Variants in ZFHX3 observed in about 807,000 individuals in gnomAD.
The protein encoded by ZFHX3 is zinc finger homeobox protein 3.
ZFHX3 carries 42 observed loss-of-function variants against 279.1 expected under a neutral mutation model. The observed-to-expected ratio is 0.15, with a 90% CI of 0.12 to 0.19. ZFHX3 has a LOEUF of 0.19. Among genes scored for constraint, ZFHX3 ranks in the 10% least tolerant of loss-of-function variants. The pLI, the probability that ZFHX3 is intolerant of heterozygous loss-of-function variation, is 1.00. For missense variants in ZFHX3, 4,981 were observed against 4,754.0 expected, an observed-to-expected ratio of 1.05 and a Z score of -1.40; for synonymous variants, 2,293 against 1,957.8, an observed-to-expected ratio of 1.17 and a Z score of -4.52.
Position 72,787,670 on chromosome 16 carries a change from T to G in ZFHX3, c.10606A>C (p.Ser3536Arg), listed in dbSNP as rs1417634056. The change falls in exon 10 of 10, where the codon AGC (serine) becomes CGC (arginine). Residue 3536 changes from serine to arginine, a missense_variant. Transcript: ENST00000268489. ...AGAGCTTCCTCCCCACAGAGCGCGCTCTCGCACGCCAGGCAGTGGTACGAG... is the reference window on the plus strand; with the variant it reads ...AGAGCTTCCTCCCCACAGAGCGCGCGCTCGCACGCCAGGCAGTGGTACGAG... Reference protein sequence around the residue: ...GGSYHCLACESALCGEEALSQ... With the variant: ...GGSYHCLACERALCGEEALSQ... 5.8e-6 allele frequency: 9 copies of G among 1,561,014 alleles called. No homozygotes were observed. The highest frequency in any genetic ancestry group is 1.4e-5 in the African/African-American group (1 of 71,952).
At chr16:73,342,748 T>C (rs1396178919) in intron 3 of ZFHX3, among the ~76,000 whole-genome samples, 4 of 152,214 alleles carry the variant, frequency 2.6e-5, no homozygotes, top group African/African-American at 4.8e-5. Context: ...GGCACTTCTC[T>C]GAATTTGCCT....
At chr16:73,752,668 A>G (rs2053771803) in intron 1 of ZFHX3, among the ~76,000 whole-genome samples, 1 of 152,190 alleles carries the variant, frequency 6.6e-6, no homozygotes, top group Non-Finnish European at 1.5e-5. Context: ...GGGTCAGTCT[A>G]TCCATGAAGC....
At chr16:73,794,639 C>A (rs1959939296) in intron 1 of ZFHX3, among the ~76,000 whole-genome samples, 1 of 152,144 alleles carries the variant, frequency 6.6e-6, no homozygotes, top group Non-Finnish European at 1.5e-5. Flanking sequence ...GTAGACAGTG[C>A]AAACTCATTC....
chr16:73,537,109 A>G (rs1279800015), intron 2 of ZFHX3, among the ~76,000 whole-genome samples: 2 of 152,220 alleles, frequency 1.3e-5, no homozygotes, highest in African/African-American at 2.4e-5. Context: ...GTTATGACCA[A>G]TTGAATTTAT....
intron 1 of ZFHX3, among the ~76,000 whole-genome samples, chr16:73,842,913 A>G (rs994654331): frequency 6.6e-6 from 1 of 152,284 alleles, no homozygotes; most frequent in East Asian, 1.9e-4. Flanking sequence ...CCTCTTTTCT[A>G]ACACTTATTT....
chr16:73,883,429 A>G lies in ZFHX3; in HGVS notation c.-1608+8222T>C, dbSNP rs552114329. ...TGTGTGTGTGTGTGTGTGTGTGTGT[A>G]TATGAATATGTATTTATAATGTGGA... On this transcript the variant is annotated intron_variant, in intron 1 of 17. Coordinates refer to the ZFHX3 transcript ENST00000641206. 9.1e-3 allele frequency among the ~76,000 whole-genome samples: 1,263 copies of G among 138,140 alleles called. 13 individuals are homozygous for G. Among genetic ancestry groups the G allele is most frequent in the African/African-American group, 0.02 (666 of 34,128 alleles). 90.6% of individuals were successfully genotyped at this position (138,140 alleles called of 152,430 possible). A position where few individuals can be genotyped will look rare whatever the true frequency, so the allele number is the denominator to read the frequency against.
At chr16:73,518,377 G>C (rs2019557991) in intron 2 of ZFHX3, among the ~76,000 whole-genome samples, 1 of 152,192 alleles carries the variant, frequency 6.6e-6, no homozygotes, top group Non-Finnish European at 1.5e-5. Context: ...TTTCCCATTA[G>C]TTCCTTTTTT....
chr16:73,714,347 A>G (rs2053393776), intron 1 of ZFHX3, among the ~76,000 whole-genome samples: 1 of 152,050 alleles, frequency 6.6e-6, no homozygotes, highest in Non-Finnish European at 1.5e-5. Flanking sequence ...GTCAGACAAC[A>G]TTTCCCTTGG....
At chr16:73,384,858 G>A (rs1167250990) in intron 3 of ZFHX3, among the ~76,000 whole-genome samples, 1 of 152,146 alleles carries the variant, frequency 6.6e-6, no homozygotes, top group Non-Finnish European at 1.5e-5. Flanking sequence ...AATGTGCTTT[G>A]GGCAGGGCTG....
At chr16:73,071,856 C>T (rs1965830410) in intron 8 of ZFHX3, among the ~76,000 whole-genome samples, 1 of 152,140 alleles carries the variant, frequency 6.6e-6, no homozygotes, top group Non-Finnish European at 1.5e-5. Context: ...GTAGTGAGGC[C>T]ACAGGGTGAC....
At chr16:73,570,242 C>T (rs1040433682) in intron 2 of ZFHX3, among the ~76,000 whole-genome samples, 14 of 152,172 alleles carry the variant, frequency 9.2e-5, no homozygotes, top group Admixed American at 6.5e-4. Flanking sequence ...TTAGGATTCC[C>T]GACACAAATG....
At chr16:73,427,785 A>G (rs2017837878) in intron 3 of ZFHX3, among the ~76,000 whole-genome samples, 1 of 151,778 alleles carries the variant, frequency 6.6e-6, no homozygotes, top group Admixed American at 6.6e-5. Flanking sequence ...AAAAAAAAAA[A>G]TACAAAAATT....
At chr16:73,481,810 A>T (rs917343394) in intron 2 of ZFHX3, among the ~76,000 whole-genome samples, 1 of 151,948 alleles carries the variant, frequency 6.6e-6, no homozygotes, top group Non-Finnish European at 1.5e-5. Flanking sequence ...CACATTTTAG[A>T]TGTCAGTTTC....
At chr16:73,715,870 C>T (rs1361588995) in intron 1 of ZFHX3, among the ~76,000 whole-genome samples, 2 of 152,076 alleles carry the variant, frequency 1.3e-5, no homozygotes, top group African/African-American at 4.8e-5. Flanking sequence ...CTGTGCCTGG[C>T]CCATAGCTAG....
chr16:73,814,467 C>A (rs1960508954), intron 1 of ZFHX3, among the ~76,000 whole-genome samples: 1 of 152,126 alleles, frequency 6.6e-6, no homozygotes, highest in African/African-American at 2.4e-5. Context: ...AAACTTGCTC[C>A]ACAGGTAGAC....
intron 1 of ZFHX3, among the ~76,000 whole-genome samples, chr16:73,846,757 G>A (rs1334349611): frequency 6.6e-6 from 1 of 151,988 alleles, no homozygotes; most frequent in Admixed American, 6.6e-5. Flanking sequence ...TGGTGGAAAA[G>A]GTCCTGGTAT....
At chr16:73,023,082 C>G (rs902928653) in intron 1 of ZFHX3, among the ~76,000 whole-genome samples, 1 of 152,170 alleles carries the variant, frequency 6.6e-6, no homozygotes, top group Non-Finnish European at 1.5e-5. Context: ...AAAAAATTAG[C>G]CTGGCGTGGT....
At chr16:73,528,600 G>A (rs1022441146) in intron 2 of ZFHX3, among the ~76,000 whole-genome samples, 2 of 152,224 alleles carry the variant, frequency 1.3e-5, no homozygotes, top group Admixed American at 6.5e-5. Flanking sequence ...GGAGGGAGTC[G>A]GAAGGGGGAG....
intron 2 of ZFHX3, among the ~76,000 whole-genome samples, chr16:73,661,491 C>T (rs2052784010): frequency 6.6e-6 from 1 of 152,114 alleles, no homozygotes; most frequent in Non-Finnish European, 1.5e-5. Flanking sequence ...GAGGCAGAGG[C>T]AGGCAGATCA....
Sources: gnomAD v4.1 joint callset for allele counts (sites outside exome capture counted in the v4.1 genomes callset) on GRCh38, gnomAD v4.1.1 for gene constraint, MANE v1.5 for transcripts, NCBI Gene and HGNC (gene_info 2026-07-23, HGNC 2026-07-21) for gene names.